SAMD12: variants seen among roughly 807,000 people sequenced by gnomAD.
SAMD12 encodes the protein sterile alpha motif domain-containing protein 12.
A neutral mutation model predicts 15.0 loss-of-function variants in SAMD12; 9 were observed. The ratio of observed to expected loss-of-function variants is 0.60; its 90% CI spans 0.36 to 1.05. SAMD12 has a LOEUF of 1.05. SAMD12 is among the 50% of genes least tolerant of loss of function. The pLI, the probability that SAMD12 is intolerant of heterozygous loss-of-function variation, is 0.01. For synonymous variants in SAMD12, 86 were observed against 90.1 expected, an observed-to-expected ratio of 0.96 and a Z score of 0.25; for missense variants, 230 against 234.2, an observed-to-expected ratio of 0.98 and a Z score of 0.12.
At chr8:118,136,366 A>G in the SAMD12 span, among the ~76,000 whole-genome samples, 1 of 152,192 alleles carries the variant, frequency 6.6e-6, no homozygotes, top group Non-Finnish European at 1.5e-5. Context: ...GTCAATTCTC[A>G]TGAACTGAAA....
At chr8:118,280,273 G>A (rs1813586222) in intron 4 of SAMD12, among the ~76,000 whole-genome samples, 1 of 152,140 alleles carries the variant, frequency 6.6e-6, no homozygotes, top group Admixed American at 6.6e-5. Context: ...AGTTGTTATT[G>A]TGTCACAGTA....
At chr8:118,441,458 T>TA (rs1186027493) in intron 2 of SAMD12, among the ~76,000 whole-genome samples, 5 of 151,594 alleles carry the variant, frequency 3.3e-5, no homozygotes, top group African/African-American at 1.2e-4. Context: ...CTCAGGTGTT[T>TA]TTTTTTTATT....
At position 118,372,003 on chromosome 8, in the gene SAMD12, G is replaced by A. The variant is rs141797179; in HGVS notation, c.433+7557C>T. On this transcript the variant is annotated intron_variant, in intron 4 of 4. Transcript: ENST00000409003. ...GCTCATGCTATCCAATGATAAAGCA[G>A]AAGAACTGTGTTGAAGAGAACTGGC... 4.2e-4 allele frequency among the ~76,000 whole-genome samples: 64 copies of A among 152,286 alleles called. 2 individuals are homozygous for A. In the East Asian group the frequency reaches 0.012, roughly 28 times the overall value.
At chr8:118,234,652 C>T (rs530996636) in intron 4 of SAMD12, among the ~76,000 whole-genome samples, 6 of 136,502 alleles carry the variant, frequency 4.4e-5, no homozygotes, top group South Asian at 4.5e-4. Flanking sequence ...CAGAGGTTGC[C>T]GTGAGACAAG....
At position 118,379,556 on chromosome 8, in the gene SAMD12, G is replaced by A. The variant is rs763259726; in HGVS notation, c.467C>T (p.Thr156Ile). 1 of 1,613,858 alleles carries A rather than the reference G, an allele frequency of 6.2e-7. No individual in the cohort carries two copies. Among genetic ancestry groups the A allele is most frequent in the East Asian group, 2.2e-5 (1 of 44,858 alleles). ...CATCCACCCATCAGGAAGCAATAGGGTACCTTGTGTGAGTAACTGTAGATT... is the reference window on the plus strand; with the variant it reads ...CATCCACCCATCAGGAAGCAATAGGATACCTTGTGTGAGTAACTGTAGATT... ...VRNLQLLTQGTLLLPDGWMDG... is the reference protein window; with the variant it reads ...VRNLQLLTQGILLLPDGWMDG... The change falls in exon 4 of 4, where the codon ACC (threonine) becomes ATC (isoleucine). Residue 156 changes from threonine to isoleucine, a missense_variant. Physicochemically the swap from Thr to Ile is moderately conservative, Grantham distance 89 (BLOSUM62 -1). Coordinates refer to ENST00000314727, the MANE Select transcript of SAMD12 (RefSeq NM_207506.3).
At chr8:118,165,887 T>C in the SAMD12 span, among the ~76,000 whole-genome samples, 1 of 152,020 alleles carries the variant, frequency 6.6e-6, no homozygotes, top group Non-Finnish European at 1.5e-5. Flanking sequence ...AAACCATTGG[T>C]TTCTATTTGC....
At chr8:118,165,361 C>T in the SAMD12 span, among the ~76,000 whole-genome samples, 3 of 151,814 alleles carry the variant, frequency 2.0e-5, no homozygotes, top group African/African-American at 4.8e-5. Flanking sequence ...GACAGGGATG[C>T]GGAGCTTGCA....
At chr8:118,536,443 AACACACACACAC>A (rs1165508519) in intron 2 of SAMD12, among the ~76,000 whole-genome samples, 14 of 140,774 alleles carry the variant, frequency 9.9e-5, no homozygotes, top group East Asian at 6.9e-4. Context: ...CTGATACACA[AACACACACACAC>A]ACACACACAC....
intron 4 of SAMD12, among the ~76,000 whole-genome samples, chr8:118,278,091 T>G (rs1453182119): frequency 6.6e-6 from 1 of 152,242 alleles, no homozygotes; most frequent in Non-Finnish European, 1.5e-5. Context: ...AGCCTTTGTT[T>G]GGGTTCTAGT....
intron 2 of SAMD12, among the ~76,000 whole-genome samples, chr8:118,472,073 G>A (rs1563880890): frequency 6.6e-6 from 1 of 151,908 alleles, no homozygotes; most frequent in African/African-American, 2.4e-5. Context: ...GAATCACGAG[G>A]TCAGGAGATC....
At chr8:118,165,635 T>TATAC in the SAMD12 span, among the ~76,000 whole-genome samples, 5 of 129,432 alleles carry the variant, frequency 3.9e-5, no homozygotes, top group East Asian at 8.8e-4. Context: ...TATATATATA[T>TATAC]ACATATATAT....
chr8:118,545,019 A>C (rs922018490), intron 2 of SAMD12, among the ~76,000 whole-genome samples: 1 of 152,250 alleles, frequency 6.6e-6, no homozygotes, highest in Non-Finnish European at 1.5e-5. Flanking sequence ...TAGCTGCAAC[A>C]GAACCCTCTA....
chr8:118,368,191 G>A (rs768032704), intron 4 of SAMD12, among the ~76,000 whole-genome samples: 1 of 152,260 alleles, frequency 6.6e-6, no homozygotes, highest in East Asian at 1.9e-4. Context: ...AATGTGTCGG[G>A]GGAAATCTTA....
chr8:118,261,852 G>A (rs1337732411), intron 4 of SAMD12, among the ~76,000 whole-genome samples: 1 of 151,632 alleles, frequency 6.6e-6, no homozygotes, highest in Admixed American at 6.6e-5. Context: ...GCAGAGGTAG[G>A]ATTTGCAATT....
At chr8:118,272,222 T>G (rs987333202) in intron 4 of SAMD12, among the ~76,000 whole-genome samples, 1 of 152,216 alleles carries the variant, frequency 6.6e-6, no homozygotes, top group Non-Finnish European at 1.5e-5. Flanking sequence ...CAACACCGCA[T>G]AGAAGCTGCC....
chr8:118,255,857 TG>T lies in SAMD12; in HGVS notation c.434-58126del, dbSNP rs556252872. Among the ~76,000 whole-genome samples the T allele has an allele frequency of 3.4e-3, 512 of 152,296 alleles. 3 individuals carry two copies. Among genetic ancestry groups the T allele is most frequent in the African/African-American group, 0.012 (492 of 41,578 alleles). On this transcript the variant is annotated intron_variant, in intron 4 of 4. Coordinates refer to the SAMD12 transcript ENST00000409003. ...TATAGCAGCATGATTTATAGTCCTT[TG>T]GGTATATACCCAGTAATGGGATGGC...
chr8:118,458,200 T>C (rs1268057075), intron 2 of SAMD12, among the ~76,000 whole-genome samples: 5 of 152,224 alleles, frequency 3.3e-5, no homozygotes, highest in Non-Finnish European at 4.4e-5. Context: ...TCTTTCACAT[T>C]TTCATCCTTT....
chr8:118,525,593 A>G (rs1825515702), intron 2 of SAMD12, among the ~76,000 whole-genome samples: 1 of 152,106 alleles, frequency 6.6e-6, no homozygotes, highest in African/African-American at 2.4e-5. Context: ...TTCTCCTCAT[A>G]CCAAACTGCC....
At chr8:118,305,104 G>A (rs7820290) in intron 4 of SAMD12, among the ~76,000 whole-genome samples, 66,050 of 133,390 alleles carry the variant, frequency 0.5, 18,042 homozygotes, top group African/African-American at 0.78. Context: ...AGCCAAGATC[G>A]CACCACTGCA....
Sources: allele counts gnomAD v4.1 joint callset (sites outside exome capture counted in the v4.1 genomes callset), GRCh38; gene constraint gnomAD v4.1.1; transcripts MANE v1.5; gene names NCBI Gene and HGNC (gene_info 2026-07-23, HGNC 2026-07-21).